The following PRUNE2 variants were observed in gnomAD, a reference collection of about 807,000 sequenced individuals.
PRUNE2 encodes protein prune homolog 2.
A neutral mutation model predicts 252.0 loss-of-function variants in PRUNE2; 164 were observed. That is an observed-to-expected ratio of 0.65 (90% CI 0.57 to 0.74). PRUNE2 has a LOEUF of 0.74. Among genes scored for constraint, PRUNE2 ranks in the 30% least tolerant of loss-of-function variants. PRUNE2 has a pLI of 0.00. For synonymous variants in PRUNE2, 1,292 were observed against 1,350.2 expected (o/e 0.96, Z 0.94); for missense variants, 3,495 against 3,711.0 (o/e 0.94, Z 1.51).
At chr9:76,731,139 A>G (rs1300224653) in intron 6 of PRUNE2, among the ~76,000 whole-genome samples, 1 of 152,044 alleles carries the variant, frequency 6.6e-6, no homozygotes, top group Non-Finnish European at 1.5e-5. Flanking sequence ...TTCATATTTC[A>G]TATTTCTTTA....
At chr9:76,749,709 T>A (rs1480363599) in intron 6 of PRUNE2, among the ~76,000 whole-genome samples, 1 of 152,198 alleles carries the variant, frequency 6.6e-6, no homozygotes, top group Non-Finnish European at 1.5e-5. Flanking sequence ...GACCCCAGTT[T>A]GGTTTGTAAC....
At chr9:76,881,115 G>A (rs2061755760) in intron 1 of PRUNE2, among the ~76,000 whole-genome samples, 1 of 152,014 alleles carries the variant, frequency 6.6e-6, no homozygotes, top group African/African-American at 2.4e-5. Context: ...CTACAGGCGT[G>A]CGCCACCATA....
intron 7 of PRUNE2, among the ~76,000 whole-genome samples, chr9:76,711,900 C>G (rs1411999658): frequency 6.6e-6 from 1 of 152,108 alleles, no homozygotes. Flanking sequence ...GTCCCTTTCA[C>G]CCCAGGTAAC....
At chr9:76,825,610 G>A (rs564985157) in intron 5 of PRUNE2, among the ~76,000 whole-genome samples, 1 of 152,328 alleles carries the variant, frequency 6.6e-6, no homozygotes, top group South Asian at 2.1e-4. Context: ...TTTAGGCCTT[G>A]CCTGGCCACC....
intron 6 of PRUNE2, among the ~76,000 whole-genome samples, chr9:76,717,922 T>C (rs192317684): frequency 3.5e-4 from 54 of 152,292 alleles, no homozygotes; most frequent in African/African-American, 1.3e-3. Context: ...GAGTAATTTC[T>C]AGTTTGGGAA....
rs186422915 is a variant in PRUNE2 at position 76,826,735 on chromosome 9, G to A, written c.509-3C>T. ...CATCCACTTGAAAAGAATGCTACCTGAAAGGTATGAATAAAAATGCTCTTA... is the reference window on the plus strand; with the variant it reads ...CATCCACTTGAAAAGAATGCTACCTAAAAGGTATGAATAAAAATGCTCTTA... On this transcript the variant is annotated splice_region_variant and splice_polypyrimidine_tract_variant and intron_variant, in intron 4 of 18. Coordinates refer to ENST00000376718, the MANE Select transcript of PRUNE2 (RefSeq NM_015225.3). 250 of 1,596,782 alleles carry A rather than the reference G, an allele frequency of 1.6e-4. 1 individual carries two copies. Among genetic ancestry groups the A allele is most frequent in the Admixed American group, 7.9e-4 (46 of 58,222 alleles).
intron 9 of PRUNE2, among the ~76,000 whole-genome samples, chr9:76,689,217 G>A (rs2134402217): frequency 6.6e-6 from 1 of 152,266 alleles, no homozygotes; most frequent in Non-Finnish European, 1.5e-5. Context: ...CTCAAGTTCT[G>A]ACAGTAGAGT....
chr9:76,664,560 G>A (rs929373284), intron 9 of PRUNE2, among the ~76,000 whole-genome samples: 1 of 152,076 alleles, frequency 6.6e-6, no homozygotes. Context: ...TTGCTGTATT[G>A]CCCAGGCTGG....
At chr9:76,655,337 T>C in intron 10 of PRUNE2, 86 bp downstream of exon 10, 1 of 950,552 alleles carries the variant, frequency 1.1e-6, no homozygotes. Context: ...ATAAGTTAGA[T>C]GCACAGGAAA....
At chr9:76,760,375 C>A (rs539103289) in intron 6 of PRUNE2, among the ~76,000 whole-genome samples, 42 of 152,300 alleles carry the variant, frequency 2.8e-4, no homozygotes, top group African/African-American at 8.7e-4. Context: ...TCACCTAGGG[C>A]AGATATTTTG....
chr9:76,709,540 C>A lies in PRUNE2; in HGVS notation c.2734G>T (p.Val912Leu), dbSNP rs182465830. The A allele has an allele frequency of 1.0e-4, 162 of 1,614,010 alleles. 2 individuals carry two copies. In the East Asian group the frequency reaches 2.3e-3, roughly 23 times the overall value. ...TTCCAGGAATCTACCTTTTCATATA[C>A]CTTGCCCCTAGTTTTAGGATCCACT... ...GLVDPKTRGK[V>L]YEKVDSWNLF... Residue 912 changes from valine to leucine, a missense_variant, in exon 8 of 19, where the codon GTA (valine) becomes TTA (leucine). Physicochemically the swap from Val to Leu is conservative, Grantham distance 32. Transcript: ENST00000376718.
At position 76,703,381 on chromosome 9, in the gene PRUNE2, C is replaced by T; in HGVS notation, c.8232G>A (p.Glu2744=). 1 of 1,610,972 alleles carries T rather than the reference C, an allele frequency of 6.2e-7. No individual in the cohort carries two copies. Among genetic ancestry groups the T allele is most frequent in the Non-Finnish European group, 8.5e-7 (1 of 1,178,248 alleles). The change falls in exon 9 of 19, where the codon GAG becomes GAA. Residue 2744 remains glutamate, a synonymous_variant. Transcript: ENST00000376718. The part of the protein sequence containing the change: ...NMIPDTEMEE[E]TEFLELGTRI... The stretch of plus-strand genomic sequence containing the variant: ...TGGTTCCGAGCTCAAGGAACTCTGT[C>T]TCCTCCTCCATTTCCGTGTCAGGGA...
intron 6 of PRUNE2, among the ~76,000 whole-genome samples, chr9:76,805,538 T>C (rs2056874852): frequency 6.6e-6 from 1 of 152,110 alleles, no homozygotes; most frequent in Non-Finnish European, 1.5e-5. Context: ...AAGGCTGCAG[T>C]GCGCCATGAT....
chr9:76,648,473 T>A (rs1845854295), intron 11 of PRUNE2, among the ~76,000 whole-genome samples: 1 of 152,186 alleles, frequency 6.6e-6, no homozygotes, highest in Non-Finnish European at 1.5e-5. Context: ...GACAATGGAA[T>A]ATTATTCAGC....
At chr9:76,823,861 AAC>A (rs113326644) in intron 5 of PRUNE2, 135 bp from the exon 6 acceptor site, 5,316 of 574,796 alleles carry the variant, frequency 9.2e-3, no homozygotes, top group East Asian at 0.012. Flanking sequence ...ATCCACAATA[AAC>A]ACACACACAC....
At chr9:76,699,774 C>T (rs2045722566) in intron 9 of PRUNE2, among the ~76,000 whole-genome samples, 1 of 152,194 alleles carries the variant, frequency 6.6e-6, no homozygotes, top group African/African-American at 2.4e-5. Context: ...TCTGAAAAAC[C>T]CTAACATGTA....
chr9:76,692,010 ACT>A (rs1159951207), intron 9 of PRUNE2: 4 of 712,532 alleles, frequency 5.6e-6, no homozygotes, highest in African/African-American at 5.3e-5. Context: ...TGAGAACAAC[ACT>A]CTCCATCTCA....
chr9:76,885,865 T>C (rs1000498651), intron 1 of PRUNE2, among the ~76,000 whole-genome samples: 1 of 152,138 alleles, frequency 6.6e-6, no homozygotes, highest in Non-Finnish European at 1.5e-5. Context: ...TTTATTATAC[T>C]TTAAGTTTTA....
At chr9:76,878,060 C>G (rs2061564799) in intron 1 of PRUNE2, among the ~76,000 whole-genome samples, 1 of 152,178 alleles carries the variant, frequency 6.6e-6, no homozygotes, top group East Asian at 1.9e-4. Context: ...GCAGGTCCTG[C>G]TGATTTCTCA....
Sources: allele counts gnomAD v4.1 joint callset (sites outside exome capture counted in the v4.1 genomes callset), GRCh38; gene constraint gnomAD v4.1.1; transcripts MANE v1.5; gene names NCBI Gene and HGNC (gene_info 2026-07-23, HGNC 2026-07-21).